The following SWT1 variants were observed in gnomAD, a reference collection of about 807,000 sequenced individuals.
SWT1 encodes the protein SWT1 RNA endoribonuclease homolog.
SWT1 carries 33 observed loss-of-function variants against 107.3 expected under a neutral mutation model. The observed-to-expected ratio is 0.31, with a 90% CI of 0.23 to 0.41. The LOEUF (loss-of-function observed/expected upper bound fraction) is 0.41, where lower values mean the gene tolerates loss of function less well. SWT1 is among the 10% of genes least tolerant of loss of function. SWT1 has a pLI of 1.00. For missense variants in SWT1, 898 were observed against 1,028.9 expected (o/e 0.87, Z 1.74); for synonymous variants, 345 against 348.3 (o/e 0.99, Z 0.11).
At chr1:185,271,101 A>C (rs186543976) in intron 16 of SWT1, among the ~76,000 whole-genome samples, 1 of 152,244 alleles carries the variant, frequency 6.6e-6, no homozygotes, top group Non-Finnish European at 1.5e-5. Context: ...TGTTATAAGC[A>C]TGAATTTAAA....
rs80158091 is a variant in SWT1, at chr1:185,282,549, C to T, written c.2573+5881C>T. 7.9e-3 allele frequency among the ~76,000 whole-genome samples: 1,201 copies of T among 151,826 alleles called. 14 individuals are homozygous for T. The highest frequency in any genetic ancestry group is 0.017 in the Middle Eastern group (5 of 294). On this transcript the variant is annotated intron_variant, in intron 18 of 18. Transcript: ENST00000367500. ...AAAATGAGTAAAACATAAATATTTC[C>T]CTGAGTTCTGTGAGCTGTCCTAGCA... is the stretch of plus-strand genomic sequence containing the variant.
intron 10 of SWT1, among the ~76,000 whole-genome samples, chr1:185,194,256 TGTTAA>T (rs1362644013): frequency 6.6e-6 from 1 of 152,186 alleles, no homozygotes; most frequent in Non-Finnish European, 1.5e-5. Context: ...GTCTTTTAAC[TGTTAA>T]GTTTAGACCA....
rs1195292716 is a variant in SWT1, at chr1:185,180,399, A to G, written c.975A>G (p.Glu325=). Reference sequence around the variant, plus strand: ...AATTACTTTCATTTCAGAGTTTTGAAGCACCATGTTGTTCCGTGTCATCTG... The same window carrying G: ...AATTACTTTCATTTCAGAGTTTTGAGGCACCATGTTGTTCCGTGTCATCTG... The part of the protein sequence containing the change: ...HSRENLTQSF[E]APCCSVSSES... The change falls in exon 6 of 19, where the codon GAA becomes GAG. Residue 325 remains glutamate, a synonymous_variant. Transcript: ENST00000367500. 2 of 1,613,064 alleles carry G rather than the reference A, an allele frequency of 1.2e-6. No homozygotes were observed. Among genetic ancestry groups the G allele is most frequent in the Non-Finnish European group, 1.7e-6 (2 of 1,179,044 alleles).
At chr1:185,229,933 G>T (rs1158177541) in intron 15 of SWT1, among the ~76,000 whole-genome samples, 2 of 152,244 alleles carry the variant, frequency 1.3e-5, no homozygotes, top group East Asian at 3.9e-4. Context: ...GGGGCAAGAG[G>T]AGAATCCTGG....
Position 185,202,711 on chromosome 1 carries a change from A to G in SWT1, c.1581A>G (p.Lys527=), listed in dbSNP as rs762339063. The G allele has an allele frequency of 8.7e-6, 14 of 1,606,948 alleles. No individual in the cohort carries two copies. In the East Asian group the frequency reaches 2.9e-4, roughly 34 times the overall value. ...TAAGTGGTGTGAAGTCACTCAGTAA[A>G]GAAGAATTGAGTGCAGAGTTATTAC... ...GLISGVKSLS[K]EELSAELLHL... is the part of the protein sequence containing the mutation. The change falls in exon 11 of 19, where the codon AAA becomes AAG. Residue 527 remains lysine (K), a synonymous_variant. Coordinates refer to ENST00000367500, the MANE Select transcript of SWT1 (RefSeq NM_017673.7).
chr1:185,249,100 T>TAGAGGCTGGATCTCCAGACACTTA (rs1553263389), intron 16 of SWT1, among the ~76,000 whole-genome samples: 2 of 152,162 alleles, frequency 1.3e-5, no homozygotes, highest in African/African-American at 4.8e-5. Flanking sequence ...TCCAGACACT[T>TAGAGGCTGGATCTCCAGACACTTA]AGAGGCTGGA....
intron 15 of SWT1, 33 bp downstream of exon 15, chr1:185,222,069 T>A (rs757765614): frequency 7.3e-7 from 1 of 1,369,312 alleles, no homozygotes; most frequent in Non-Finnish European, 9.8e-7. Context: ...TTTTTAGTTA[T>A]TTTTTAAATT....
chr1:185,254,991 G>A (rs1385077192), intron 16 of SWT1, among the ~76,000 whole-genome samples: 19 of 151,882 alleles, frequency 1.3e-4, no homozygotes, highest in African/African-American at 3.9e-4. Context: ...CTTTGTTCTC[G>A]TTGGTTTCAA....
intron 1 of SWT1, among the ~76,000 whole-genome samples, chr1:185,158,162 CT>C (rs1220299489): frequency 6.6e-6 from 1 of 152,130 alleles, no homozygotes; most frequent in Non-Finnish European, 1.5e-5. Context: ...TTGTTTCCTA[CT>C]TGTTTCAGAA....
rs1471878678 is a variant in SWT1 at position 185,214,753 on chromosome 1, A to T, written c.2121+98A>T. ...GTAGGTAAAGGATAATTTAATTCTAACTTATTCTAACATACTAAAGGCGTT... is the reference window on the plus strand; with the variant it reads ...GTAGGTAAAGGATAATTTAATTCTATCTTATTCTAACATACTAAAGGCGTT... On this transcript the variant is annotated intron_variant, in intron 14 of 18. Coordinates refer to ENST00000367500, the MANE Select transcript of SWT1 (RefSeq NM_017673.7). The T allele has an allele frequency of 6.1e-6, 6 of 983,350 alleles. No homozygotes were observed. In the African/African-American group the frequency reaches 8.4e-5, roughly 14 times the overall value. The allele number at this position is 983,350 out of a possible 1,614,324, so 60.9% of individuals were successfully genotyped here. A position where few individuals can be genotyped will look rare whatever the true frequency, so the allele number is the denominator to read the frequency against.
chr1:185,280,893 T>C, intron 18 of SWT1: 1 of 472,942 alleles, frequency 2.1e-6, no homozygotes, highest in Non-Finnish European at 4.3e-6. Flanking sequence ...CTGTTGCTTC[T>C]CAGTGTGGTG....
At chr1:185,216,964 A>T (rs1659268362) in intron 14 of SWT1, among the ~76,000 whole-genome samples, 1 of 151,470 alleles carries the variant, frequency 6.6e-6, no homozygotes, top group South Asian at 2.1e-4. Flanking sequence ...AAAAAAAAAA[A>T]AGAAAAGAAA....
chr1:185,290,788 C>T lies in SWT1; in HGVS notation c.2688C>T (p.Leu896=). 1.9e-6 allele frequency: 3 copies of T among 1,608,340 alleles called. No individual in the cohort carries two copies. The highest frequency in any genetic ancestry group is 2.5e-6 in the Non-Finnish European group (3 of 1,176,558). The change falls in exon 19 of 19, where the codon CTC becomes CTT. Residue 896 remains leucine (L), a synonymous_variant. Transcript: ENST00000367500. ...AKNRGWCEDM[L]NYRI Reference sequence around the variant, plus strand: ...ACAGGGGATGGTGTGAAGACATGCTCAACTATAGGATATAAGTACTGATTT... The same window carrying T: ...ACAGGGGATGGTGTGAAGACATGCTTAACTATAGGATATAAGTACTGATTT...
At chr1:185,206,064 TTCTCCTG>T (rs1658308623) in intron 12 of SWT1, among the ~76,000 whole-genome samples, 1 of 152,142 alleles carries the variant, frequency 6.6e-6, no homozygotes, top group Non-Finnish European at 1.5e-5. Flanking sequence ...TTTCAAGCTA[TTCTCCTG>T]TCTCAACCTC....
intron 2 of SWT1, 22 bp downstream of exon 2, chr1:185,160,947 C>T: frequency 6.6e-7 from 1 of 1,516,826 alleles, no homozygotes; most frequent in Non-Finnish European, 9.1e-7. Context: ...GATTTACTGA[C>T]CTAGAGATAC....
chr1:185,202,052 A>G (rs952879774), intron 10 of SWT1, among the ~76,000 whole-genome samples: 3 of 152,172 alleles, frequency 2.0e-5, no homozygotes, highest in African/African-American at 7.2e-5. Flanking sequence ...CTCCAGAACA[A>G]TTTAATAAAC....
chr1:185,202,055 T>C (rs1202532603), intron 10 of SWT1, among the ~76,000 whole-genome samples: 1 of 152,178 alleles, frequency 6.6e-6, no homozygotes, highest in Non-Finnish European at 1.5e-5. Context: ...CAGAACAATT[T>C]AATAAACACA....
At chr1:185,253,132 A>G (rs1662177453) in intron 16 of SWT1, among the ~76,000 whole-genome samples, 1 of 143,908 alleles carries the variant, frequency 6.9e-6, no homozygotes, top group African/African-American at 2.6e-5. Flanking sequence ...GTTCTGTTCC[A>G]TTGATCTATA....
chr1:185,285,911 ATGTC>A (rs1664919104), intron 18 of SWT1, among the ~76,000 whole-genome samples: 1 of 152,176 alleles, frequency 6.6e-6, no homozygotes, highest in Non-Finnish European at 1.5e-5. Flanking sequence ...GATTCATTGG[ATGTC>A]TGTCTGTCTG....
Sources: gnomAD v4.1 joint callset for allele counts (sites outside exome capture counted in the v4.1 genomes callset) on GRCh38, gnomAD v4.1.1 for gene constraint, MANE v1.5 for transcripts, NCBI Gene and HGNC (gene_info 2026-07-23, HGNC 2026-07-21) for gene names.